AK5: variants seen among roughly 807,000 people sequenced by gnomAD.
The protein encoded by AK5 is adenylate kinase 5.
Under a neutral mutation model 69.5 loss-of-function variants are expected in AK5, and 27 were observed. That is an observed-to-expected ratio of 0.39 (90% confidence interval 0.29 to 0.54). The LOEUF (loss-of-function observed/expected upper bound fraction) is 0.54. AK5 is among the 20% of genes least tolerant of loss of function. AK5 has a pLI of 0.71. For missense variants in AK5, 531 were observed against 700.4 expected (o/e 0.76, Z 2.73); for synonymous variants, 260 against 244.4 (o/e 1.06, Z -0.60).
chr1:77,287,798 G>T (rs963610120), intron 2 of AK5, among the ~76,000 whole-genome samples: 3 of 152,198 alleles, frequency 2.0e-5, no homozygotes, highest in African/African-American at 7.2e-5. Context: ...ATTGGTTACG[G>T]TTCAGCATTT....
chr1:77,558,897 A>ACTGT lies in AK5; in HGVS notation c.*231_*234dup, dbSNP rs1660278624. On this transcript the variant is annotated 3_prime_UTR_variant, in exon 14 of 14. Coordinates refer to ENST00000354567, the MANE Select transcript of AK5 (RefSeq NM_174858.3). Reference sequence around the variant, plus strand: ...CAACCTATTCTCCACACTTCAGACAACTGTCTGCACTCACGGCACACACAC... The same window carrying ACTGT: ...CAACCTATTCTCCACACTTCAGACAACTGTCTGTCTGCACTCACGGCACACACAC... 2.0e-6 allele frequency: 1 copy of ACTGT among 492,596 alleles called. No individual in the cohort carries two copies. Among genetic ancestry groups the ACTGT allele is most frequent in the Non-Finnish European group, 3.7e-6 (1 of 269,524 alleles). The allele number at this position is 492,596 out of a possible 1,614,324, so 30.5% of individuals were successfully genotyped here.
At chr1:77,310,245 T>C (rs1271631821) in intron 5 of AK5, among the ~76,000 whole-genome samples, 1 of 152,192 alleles carries the variant, frequency 6.6e-6, no homozygotes, top group Non-Finnish European at 1.5e-5. Context: ...TAGACACTGG[T>C]CTGTATATGG....
intron 8 of AK5, among the ~76,000 whole-genome samples, chr1:77,449,634 A>AT (rs896755927): frequency 1.3e-5 from 2 of 152,180 alleles, no homozygotes; most frequent in African/African-American, 4.8e-5. Flanking sequence ...AGGACATGAG[A>AT]TTTGGGAGGG....
intron 6 of AK5, among the ~76,000 whole-genome samples, chr1:77,348,662 G>C (rs1662036333): frequency 6.6e-6 from 1 of 151,930 alleles, no homozygotes; most frequent in African/African-American, 2.4e-5. Context: ...CTAAATAGTT[G>C]GTAGCTGAAT....
chr1:77,282,550 G>A, intron 1 of AK5, 177 bp downstream of exon 1: 11 of 1,372,994 alleles, frequency 8.0e-6, no homozygotes, highest in Non-Finnish European at 1.0e-5. Flanking sequence ...GGTTGCCAGG[G>A]TCCTTGTCAG....
intron 10 of AK5, among the ~76,000 whole-genome samples, chr1:77,496,755 A>G (rs1290219898): frequency 1.3e-5 from 2 of 152,156 alleles, no homozygotes; most frequent in Admixed American, 6.5e-5. Context: ...TGCACCAATC[A>G]GCACTCTGTG....
intron 9 of AK5, 114 bp downstream of exon 9, chr1:77,483,473 G>A: frequency 2.3e-6 from 2 of 865,778 alleles, no homozygotes; most frequent in Non-Finnish European, 3.9e-6. Context: ...CTTTTTCCTT[G>A]GCCAGGGAGC....
At chr1:77,328,383 C>G (rs1225745905) in intron 5 of AK5, among the ~76,000 whole-genome samples, 1 of 151,916 alleles carries the variant, frequency 6.6e-6, no homozygotes, top group Non-Finnish European at 1.5e-5. Context: ...GCCTGTAATC[C>G]CAGCTACTCA....
intron 10 of AK5, among the ~76,000 whole-genome samples, chr1:77,514,795 C>T (rs990905216): frequency 2.6e-5 from 4 of 152,208 alleles, no homozygotes; most frequent in Non-Finnish European, 5.9e-5. Flanking sequence ...GTCATATTAG[C>T]AGGATGCTAA....
chr1:77,510,982 A>C (rs566913112), intron 10 of AK5, among the ~76,000 whole-genome samples: 1 of 149,200 alleles, frequency 6.7e-6, no homozygotes, highest in African/African-American at 2.4e-5. Context: ...AAAATATAAT[A>C]TATATATTTA....
At chr1:77,445,707 C>T (rs1262623273) in intron 8 of AK5, among the ~76,000 whole-genome samples, 1 of 152,156 alleles carries the variant, frequency 6.6e-6, no homozygotes, top group Non-Finnish European at 1.5e-5. Flanking sequence ...GCCTCAGCCT[C>T]CTGAGTAGCT....
At chr1:77,353,597 A>T (rs1281626510) in intron 6 of AK5, among the ~76,000 whole-genome samples, 1 of 152,218 alleles carries the variant, frequency 6.6e-6, no homozygotes, top group South Asian at 2.1e-4. Context: ...TAAACTGCGC[A>T]GTCTTACTCT....
At chr1:77,395,835 G>A (rs1008914182) in intron 6 of AK5, among the ~76,000 whole-genome samples, 1 of 152,158 alleles carries the variant, frequency 6.6e-6, no homozygotes, top group African/African-American at 2.4e-5. Flanking sequence ...AAAGAGCATC[G>A]TCTATTTCTT....
chr1:77,326,813 G>T (rs1411917962), intron 5 of AK5, among the ~76,000 whole-genome samples: 1 of 152,026 alleles, frequency 6.6e-6, no homozygotes, highest in African/African-American at 2.4e-5. Flanking sequence ...TTTTTTAAAT[G>T]AATACAATGA....
At chr1:77,440,802 T>C in intron 8 of AK5, among the ~76,000 whole-genome samples, 1 of 152,024 alleles carries the variant, frequency 6.6e-6, no homozygotes, top group Non-Finnish European at 1.5e-5. Flanking sequence ...CAGGCTGGAG[T>C]GCAATGGCAT....
intron 11 of AK5, 134 bp downstream of exon 11, chr1:77,518,861 C>A: frequency 1.1e-6 from 1 of 879,446 alleles, no homozygotes; most frequent in Non-Finnish European, 1.7e-6. Context: ...CCCTCCTTTG[C>A]AGCAATCCAG....
At chr1:77,286,789 G>A (rs1658377269) in intron 1 of AK5, 152 bp from the exon 2 acceptor site, 2 of 392,280 alleles carry the variant, frequency 5.1e-6, no homozygotes, top group East Asian at 9.3e-5. Flanking sequence ...AGAAGTTGCA[G>A]TGAGCCAAGA....
At chr1:77,441,002 G>A (rs1388965227) in intron 8 of AK5, among the ~76,000 whole-genome samples, 1 of 152,146 alleles carries the variant, frequency 6.6e-6, no homozygotes, top group Admixed American at 6.5e-5. Context: ...ACCTGCCTTG[G>A]CCTCCCAAAG....
chr1:77,556,445 A>C (rs1660107980), intron 13 of AK5, among the ~76,000 whole-genome samples: 1 of 152,218 alleles, frequency 6.6e-6, no homozygotes, highest in African/African-American at 2.4e-5. Flanking sequence ...TGTGAAATTA[A>C]TCCATGTTGT....
Sources: allele counts gnomAD v4.1 joint callset (sites outside exome capture counted in the v4.1 genomes callset), GRCh38; gene constraint gnomAD v4.1.1; transcripts MANE v1.5; gene names NCBI Gene and HGNC (gene_info 2026-07-23, HGNC 2026-07-21).